Variants in B4GALNT1 observed in about 807,000 individuals in gnomAD.
The protein encoded by B4GALNT1 is beta-1,4 N-acetylgalactosaminyltransferase 1.
B4GALNT1 carries 43 observed loss-of-function variants against 55.2 expected under a neutral mutation model. The ratio of observed to expected loss-of-function variants is 0.78; its 90% CI spans 0.61 to 1.00. B4GALNT1 has a LOEUF of 1.00. Among genes scored for constraint, B4GALNT1 ranks in the 50% least tolerant of loss-of-function variants. B4GALNT1 has a pLI of 0.00. For synonymous variants in B4GALNT1, 305 were observed against 311.6 expected, an observed-to-expected ratio of 0.98 and a Z score of 0.22; for missense variants, 664 against 729.7, an observed-to-expected ratio of 0.91 and a Z score of 1.04.
At chr12:57,629,399 T>C (rs1164548060) in intron 6 of B4GALNT1, 2 of 387,838 alleles carry the variant, frequency 5.2e-6, no homozygotes, top group African/African-American at 2.1e-5. Flanking sequence ...ACCTTAAATA[T>C]ATGCACTCAT....
rs768955589 is a variant in B4GALNT1, at chr12:57,628,842, CCGA to C, written c.870_872del (p.Asp290_Arg291delinsGlu). ...GGATACTGGTGATGAGAGCCCGTAG[CCGA>C]TCATAACGGAGGAAGGTCTTGGTGG... On this transcript the variant is annotated inframe_deletion, in exon 8 of 11. Coordinates refer to ENST00000341156, the MANE Select transcript of B4GALNT1 (RefSeq NM_001478.5). 1 of 1,614,178 alleles carries C rather than the reference CCGA, an allele frequency of 6.2e-7. No individual in the cohort carries two copies.
intron 3 of B4GALNT1, 26 bp downstream of exon 3, chr12:57,631,174 G>A: frequency 6.2e-7 from 1 of 1,613,976 alleles, no homozygotes; most frequent in Non-Finnish European, 8.5e-7. Context: ...CCCCTGAGGA[G>A]TCATGCGCTT....
In B4GALNT1 at chr12:57,631,335, T is replaced by C. The variant is rs754698896; in HGVS notation, c.248A>G (p.Glu83Gly). Residue 83 changes from glutamate to glycine, a missense_variant, in exon 3 of 11, where the codon GAG becomes GGG. Physicochemically the swap from Glu to Gly is moderately conservative, Grantham distance 98. Coordinates refer to ENST00000341156, the MANE Select transcript of B4GALNT1 (RefSeq NM_001478.5). ...GAGGGGGAGGCCCCCCCCACTGGAC[T>C]CACAACTGCAGTTGTTCCAAGCCAG... ...GLLAWNNCSCESSGGGLPLPF... is the reference protein window; with the variant it reads ...GLLAWNNCSCGSSGGGLPLPF... 1 of 1,614,090 alleles carries C rather than the reference T, an allele frequency of 6.2e-7. No individual in the cohort carries two copies. Among genetic ancestry groups the C allele is most frequent in the Admixed American group, 1.7e-5 (1 of 60,022 alleles).
rs958818757 is a variant in B4GALNT1, at chr12:57,631,897, G to T, written c.218+18C>A. On this transcript the variant is annotated intron_variant, in intron 2 of 10. Coordinates refer to ENST00000341156, the MANE Select transcript of B4GALNT1 (RefSeq NM_001478.5). ...CCCCCAGCGAGCGCTGCGCTGCGCC[G>T]CCGCGGTCGGCACTCACCCCACTAC... 1 of 1,373,542 alleles carries T rather than the reference G, an allele frequency of 7.3e-7. No individual in the cohort carries two copies. The highest frequency in any genetic ancestry group is 9.4e-7 in the Non-Finnish European group (1 of 1,062,502). The allele number at this position is 1,373,542 out of a possible 1,614,324, so 85.1% of individuals were successfully genotyped here.
rs904013805 is a variant in B4GALNT1 at position 57,623,670 on chromosome 12, G to A, written c.*3074C>T. 9 of 606,948 alleles carry A rather than the reference G, an allele frequency of 1.5e-5. No individual in the cohort carries two copies. The highest frequency in any genetic ancestry group is 9.3e-5 in the African/African-American group (5 of 54,012). The allele number at this position is 606,948 out of a possible 1,614,324, so 37.6% of individuals were successfully genotyped here. The stretch of plus-strand genomic sequence containing the variant: ...ATTTAATTAATTGGGGGGAGCGGGA[G>A]GGTTAGATGTGAATGGCAGAATATT... On this transcript the variant is annotated 3_prime_UTR_variant, in exon 11 of 11. Coordinates refer to ENST00000341156, the MANE Select transcript of B4GALNT1 (RefSeq NM_001478.5).
chr12:57,630,363 G>A, intron 5 of B4GALNT1, 31 bp from the exon 6 acceptor site: 1 of 1,604,480 alleles, frequency 6.2e-7, no homozygotes, highest in Non-Finnish European at 8.5e-7. Flanking sequence ...GCAGGGTTAG[G>A]CCCCAGACCC....
chr12:57,625,543 G>A lies in B4GALNT1; in HGVS notation c.*1201C>T, dbSNP rs1884749593. On this transcript the variant is annotated 3_prime_UTR_variant, in exon 11 of 11. Transcript: ENST00000341156. ...TGCGGTAGGGAAAAGGACCCGGTGT[G>A]GACTTAGGGTCTCAGAGTCTGACAC... 5 of 1,611,102 alleles carry A rather than the reference G, an allele frequency of 3.1e-6. No individual in the cohort carries two copies. The highest frequency in any genetic ancestry group is 4.2e-6 in the Non-Finnish European group (5 of 1,178,088).
At position 57,626,815 on chromosome 12, in the gene B4GALNT1, C is replaced by T. The variant is rs548077937; in HGVS notation, c.1531G>A (p.Asp511Asn). The change falls in exon 11 of 11, where the codon GAC becomes AAC. Residue 511 changes from aspartate to asparagine, a missense_variant. Coordinates refer to ENST00000341156, the MANE Select transcript of B4GALNT1 (RefSeq NM_001478.5). ...CGGTGTTTGGCCATCTGGCTCTCGTCCAGTGATCCTGGGTAACGGTACCGG... is the reference window on the plus strand; with the variant it reads ...CGGTGTTTGGCCATCTGGCTCTCGTTCAGTGATCCTGGGTAACGGTACCGG... Reference protein sequence around the residue: ...YARYRYPGSLDESQMAKHRLL... With the variant: ...YARYRYPGSLNESQMAKHRLL... The T allele has an allele frequency of 1.9e-6, 3 of 1,614,220 alleles. No homozygotes were observed. The highest frequency in any genetic ancestry group is 2.2e-5 in the South Asian group (2 of 91,080).
intron 5 of B4GALNT1, 62 bp downstream of exon 5, chr12:57,630,416 C>A: frequency 1.3e-6 from 2 of 1,597,320 alleles, no homozygotes; most frequent in Non-Finnish European, 1.7e-6. Flanking sequence ...CTTAGTAGCC[C>A]TGCCTCCCTC....
At position 57,631,373 on chromosome 12, in the gene B4GALNT1, G is replaced by T. The variant is rs374095074; in HGVS notation, c.219-9C>A. On this transcript the variant is annotated splice_polypyrimidine_tract_variant and intron_variant, in intron 2 of 10. Coordinates refer to ENST00000341156, the MANE Select transcript of B4GALNT1 (RefSeq NM_001478.5). ...TGTTCCAAGCCAGCAGCCTGAAGGG[G>T]GTAGGTAGTGAGGGTCATCAGAGCC... 4.3e-6 allele frequency: 7 copies of T among 1,613,682 alleles called. No homozygotes were observed. The highest frequency in any genetic ancestry group is 4.5e-5 in the East Asian group (2 of 44,882).
rs1234387704 is a variant in B4GALNT1, at chr12:57,625,763, G to A, written c.*981C>T. On this transcript the variant is annotated 3_prime_UTR_variant, in exon 11 of 11. Coordinates refer to ENST00000341156, the MANE Select transcript of B4GALNT1 (RefSeq NM_001478.5). ...GCAAGTGAGGCAGGGGTAAGTGGCT[G>A]GAGACCCAGGGAGAGGGGTTTGGGA... is the stretch of plus-strand genomic sequence containing the variant. 2 of 1,512,822 alleles carry A rather than the reference G, an allele frequency of 1.3e-6. No individual in the cohort carries two copies. Among genetic ancestry groups the A allele is most frequent in the Non-Finnish European group, 1.8e-6 (2 of 1,132,782 alleles). 93.7% of individuals were successfully genotyped at this position (1,512,822 alleles called of 1,614,324 possible). A position where few individuals can be genotyped will look rare whatever the true frequency, so the allele number is the denominator to read the frequency against.
At position 57,624,680 on chromosome 12, in the gene B4GALNT1, C is replaced by T. The variant is rs1338213045; in HGVS notation, c.*2064G>A. 5 of 748,662 alleles carry T rather than the reference C, an allele frequency of 6.7e-6. No individual in the cohort carries two copies. Among genetic ancestry groups the T allele is most frequent in the Non-Finnish European group, 1.2e-5 (5 of 403,532 alleles). The allele number at this position is 748,662 out of a possible 1,614,324, so 46.4% of individuals were successfully genotyped here. A position where few individuals can be genotyped will look rare whatever the true frequency, so the allele number is the denominator to read the frequency against. On this transcript the variant is annotated 3_prime_UTR_variant, in exon 11 of 11. Coordinates refer to ENST00000341156, the MANE Select transcript of B4GALNT1 (RefSeq NM_001478.5). ...GAGGTGCTTGGGGTGACTCTCCAGC[C>T]AGGCCAGGCTAAGCTGGAAATCTGG...
Position 57,628,258 on chromosome 12 carries a change from C to T in B4GALNT1, c.1007G>A (p.Trp336Ter), listed in dbSNP as rs1884973714. The T allele has an allele frequency of 1.9e-6, 3 of 1,614,248 alleles. No homozygotes were observed. Among genetic ancestry groups the T allele is most frequent in the Non-Finnish European group, 2.5e-6 (3 of 1,180,040 alleles). The change falls in exon 9 of 11, where the codon TGG becomes TAG. Residue 336 changes from tryptophan (W) to a stop codon, truncating the protein, a stop_gained. Coordinates refer to ENST00000341156, the MANE Select transcript of B4GALNT1 (RefSeq NM_001478.5). LOFTEE classifies it high-confidence loss of function. The part of the protein sequence containing the change: ...EHYLMPFGKG[W>*]FAGRNLAVSQ... Reference sequence around the variant, plus strand: ...CACGGCCAGGTTCCGGCCTGCGAACCAGCCCTGGCAGAAAGGTGTGTGTGG... The same window carrying T: ...CACGGCCAGGTTCCGGCCTGCGAACTAGCCCTGGCAGAAAGGTGTGTGTGG...
intron 2 of B4GALNT1, 132 bp downstream of exon 2, chr12:57,631,783 C>G (rs1265150830): frequency 1.0e-6 from 1 of 986,174 alleles, no homozygotes; most frequent in East Asian, 2.9e-5. Context: ...CAGCCTCCCA[C>G]TTCCACCTCC....
At position 57,624,834 on chromosome 12, in the gene B4GALNT1, C is replaced by T. The variant is rs754976962; in HGVS notation, c.*1910G>A. The T allele has an allele frequency of 6.1e-5, 98 of 1,600,510 alleles. 2 individuals carry two copies. In the South Asian group the frequency reaches 8.0e-4, roughly 13 times the overall value. ...CCAAAGAAGGAAGGGAAGATTAGCCCCAGACATTTCTCTGATCCTTTGACC... is the reference window on the plus strand; with the variant it reads ...CCAAAGAAGGAAGGGAAGATTAGCCTCAGACATTTCTCTGATCCTTTGACC... On this transcript the variant is annotated 3_prime_UTR_variant, in exon 11 of 11. Coordinates refer to ENST00000341156, the MANE Select transcript of B4GALNT1 (RefSeq NM_001478.5).
Position 57,628,132 on chromosome 12 carries a change from G to A in B4GALNT1, c.1133C>T (p.Pro378Leu). ...ERLVDVLERTPLDLVGGAVRE... is the reference protein window; with the variant it reads ...ERLVDVLERTLLDLVGGAVRE... ...CAGCCCCTGCCCTACCAGGTCCAGC[G>A]GCGTCCGCTCCAGCACGTCCACAAG... Residue 378 changes from proline to leucine, a missense_variant, in exon 9 of 11, where the codon CCG (proline) becomes CTG (leucine). Transcript: ENST00000341156. The A allele has an allele frequency of 6.2e-7, 1 of 1,613,914 alleles. No individual in the cohort carries two copies. The highest frequency in any genetic ancestry group is 8.5e-7 in the Non-Finnish European group (1 of 1,180,020).
At position 57,625,126 on chromosome 12, in the gene B4GALNT1, A is replaced by G. The variant is rs1305239049; in HGVS notation, c.*1618T>C. On this transcript the variant is annotated 3_prime_UTR_variant, in exon 11 of 11. Transcript: ENST00000341156. ...GACTGCCCTTCTTTACTTATAGGAG[A>G]CTTCAAAGCCAGATGGCCCAATGGT... 1 of 1,613,818 alleles carries G rather than the reference A, an allele frequency of 6.2e-7. No homozygotes were observed. The highest frequency in any genetic ancestry group is 1.1e-5 in the South Asian group (1 of 91,058).
At chr12:57,630,447 T>C in intron 5 of B4GALNT1, 31 bp downstream of exon 5, 2 of 1,601,876 alleles carry the variant, frequency 1.2e-6, no homozygotes, top group Non-Finnish European at 1.7e-6. Context: ...TGATGCCTAC[T>C]TGGCCTCCTT....
intron 6 of B4GALNT1, chr12:57,629,675 C>G: frequency 2.7e-6 from 3 of 1,124,116 alleles, no homozygotes; most frequent in Non-Finnish European, 3.6e-6. Flanking sequence ...CTGCAAAAAT[C>G]TGGGGAAGAG....
Sources: allele counts gnomAD v4.1 joint callset, GRCh38; gene constraint gnomAD v4.1.1; transcripts MANE v1.5; gene names NCBI Gene and HGNC (gene_info 2026-07-23, HGNC 2026-07-21).